Variants in CALHM4 observed in about 807,000 individuals in gnomAD.
The protein encoded by CALHM4 is calcium homeostasis modulator family member 4.
CALHM4 carries 16 observed loss-of-function variants against 13.3 expected under a neutral mutation model. The observed-to-expected ratio is 1.20, with a 90% CI of 0.81 to 1.82. The LOEUF (loss-of-function observed/expected upper bound fraction) is 1.82. Among genes scored for constraint, CALHM4 ranks in the 40% most tolerant of loss-of-function variants. The probability of loss-of-function intolerance (pLI) is 0.00; values close to 1 mark genes in which losing one functional copy is unlikely to be tolerated. For missense variants in CALHM4, 344 were observed against 374.9 expected, an observed-to-expected ratio of 0.92 and a Z score of 0.68; for synonymous variants, 127 against 137.1, an observed-to-expected ratio of 0.93 and a Z score of 0.52.
intron 2 of CALHM4, among the ~76,000 whole-genome samples, chr6:116,547,946 T>C (rs577221079): frequency 6.6e-6 from 1 of 152,306 alleles, no homozygotes; most frequent in South Asian, 2.1e-4. Context: ...TGGGAATACA[T>C]GGGCAGCAGA....
intron 2 of CALHM4, among the ~76,000 whole-genome samples, chr6:116,546,762 C>G (rs1361141696): frequency 1.3e-5 from 2 of 152,118 alleles, no homozygotes; most frequent in African/African-American, 4.8e-5. Flanking sequence ...ATAGGTTATT[C>G]TTGTGGTTGG....
chr6:116,558,184 A>C lies in CALHM4; in HGVS notation c.918A>C (p.Arg306Ser), dbSNP rs948910052. Reference protein sequence around the residue: ...NRVDEDNEEDRSRGIELKP With the variant: ...NRVDEDNEEDSSRGIELKP ...TGGATGAGGATAATGAGGAAGACAG[A>C]TCAAGAGGTATTGAATTAAAACCTT... The change falls in exon 2 of 2, where the codon AGA becomes AGC. Residue 306 changes from arginine (R) to serine (S), a missense_variant. Transcript: ENST00000368596. 6.2e-7 allele frequency: 1 copy of C among 1,613,106 alleles called. No homozygotes were observed. The highest frequency in any genetic ancestry group is 1.3e-5 in the African/African-American group (1 of 74,908).
chr6:116,543,510 A>C lies in CALHM4; in HGVS notation c.-108-255A>C, dbSNP rs536180456. 7.8e-6 allele frequency: 7 copies of C among 899,490 alleles called. No individual in the cohort carries two copies. In the South Asian group the frequency reaches 9.1e-5, roughly 12 times the overall value. 55.7% of individuals were successfully genotyped at this position (899,490 alleles called of 1,614,324 possible). Reference sequence around the variant, plus strand: ...AAGTAGCCTTAGAAGTCACCTGTACATTTTTTCCTTCCTCCTATTATTGCA... The same window carrying C: ...AAGTAGCCTTAGAAGTCACCTGTACCTTTTTTCCTTCCTCCTATTATTGCA... On this transcript the variant is annotated intron_variant, in intron 1 of 2. Coordinates refer to the CALHM4 transcript ENST00000368597.
intron 1 of CALHM4, among the ~76,000 whole-genome samples, chr6:116,554,955 T>C (rs1212479253): frequency 2.6e-5 from 4 of 152,220 alleles, no homozygotes; most frequent in Non-Finnish European, 5.9e-5. Flanking sequence ...AGTGCTATTG[T>C]GCATTTTGTC....
In CALHM4 at chr6:116,560,071, G is replaced by A. The variant is rs1346535835; in HGVS notation, c.*1860G>A. 6.6e-6 allele frequency among the ~76,000 whole-genome samples: 1 copy of A among 152,158 alleles called. No homozygotes were observed. The highest frequency in any genetic ancestry group is 1.5e-5 in the Non-Finnish European group (1 of 68,018). ...GTTGTGGAAGGCAACTAGGGTTCTA[G>A]TTCCACACTGATACAAATGAACTGT... On this transcript the variant is annotated 3_prime_UTR_variant, in exon 2 of 2. Coordinates refer to ENST00000368596, the MANE Select transcript of CALHM4 (RefSeq NM_001366078.2).
chr6:116,547,887 A>G (rs897902340), intron 2 of CALHM4, among the ~76,000 whole-genome samples: 5 of 152,214 alleles, frequency 3.3e-5, no homozygotes, highest in African/African-American at 1.2e-4. Context: ...ACTGCAGTCA[A>G]CCAACCCAAG....
intron 1 of CALHM4, among the ~76,000 whole-genome samples, chr6:116,554,697 T>C (rs1201946017): frequency 1.3e-5 from 2 of 152,184 alleles, no homozygotes; most frequent in East Asian, 1.9e-4. Context: ...TTAAGAACAA[T>C]AGATTTTAGA....
At chr6:116,543,780 G>T (rs1338019058) in exon 2 of CALHM4, 1 of 1,513,016 alleles carries the variant, frequency 6.6e-7, no homozygotes, top group Non-Finnish European at 8.8e-7. Flanking sequence ...AGCAAGAATT[G>T]GATAAGACTT....
chr6:116,548,100 T>C (rs1034227743), intron 2 of CALHM4, among the ~76,000 whole-genome samples: 5 of 152,214 alleles, frequency 3.3e-5, no homozygotes, highest in Non-Finnish European at 7.3e-5. Flanking sequence ...GTGGTAGTTT[T>C]AAGAGTTGGG....
chr6:116,540,218 A>C (rs775047683), intron 1 of CALHM4: 10 of 757,004 alleles, frequency 1.3e-5, no homozygotes, highest in Non-Finnish European at 1.9e-5. Context: ...GTGCTGAAAT[A>C]AAATGCTTTT....
At chr6:116,531,376 G>C (rs777066676) in intron 1 of CALHM4, among the ~76,000 whole-genome samples, 2 of 152,100 alleles carry the variant, frequency 1.3e-5, no homozygotes, top group Non-Finnish European at 2.9e-5. Context: ...GTGAGGTGGA[G>C]AGAAGGAAAA....
chr6:116,540,478 A>G, intron 1 of CALHM4: 1 of 1,549,632 alleles, frequency 6.5e-7, no homozygotes, highest in Middle Eastern at 1.7e-4. Flanking sequence ...GATGACGGAA[A>G]GAGTGTGGTC....
At chr6:116,540,441 C>A in intron 1 of CALHM4, 1 of 1,551,338 alleles carries the variant, frequency 6.4e-7, no homozygotes. Context: ...CTTCCACAAG[C>A]CGCGTTCCAA....
chr6:116,530,521 A>G (rs571918841), intron 1 of CALHM4, among the ~76,000 whole-genome samples: 20 of 152,306 alleles, frequency 1.3e-4, no homozygotes, highest in Admixed American at 7.8e-4. Context: ...TACCTATTGT[A>G]GCACAACATC....
chr6:116,546,273 G>T (rs1053156716), intron 2 of CALHM4, among the ~76,000 whole-genome samples: 8 of 152,152 alleles, frequency 5.3e-5, no homozygotes, highest in African/African-American at 1.4e-4. Flanking sequence ...TCTTTTGAGA[G>T]CTCCTGAGAC....
At chr6:116,538,704 T>C (rs1025335622) in intron 1 of CALHM4, among the ~76,000 whole-genome samples, 1 of 152,048 alleles carries the variant, frequency 6.6e-6, no homozygotes, top group Non-Finnish European at 1.5e-5. Context: ...GCCTTATTAA[T>C]TTGCAAGACA....
upstream of CALHM4, among the ~76,000 whole-genome samples, chr6:116,550,765 C>T (rs12174265): frequency 0.17 from 26,121 of 151,982 alleles, 2,358 homozygotes; most frequent in East Asian, 0.35. Context: ...CGCCTGAAGC[C>T]ACCAAATAAA....
At chr6:116,534,896 A>C (rs1772980522) in intron 1 of CALHM4, among the ~76,000 whole-genome samples, 1 of 152,162 alleles carries the variant, frequency 6.6e-6, no homozygotes, top group Admixed American at 6.5e-5. Context: ...AAGTCTTTTT[A>C]TGCTGTATTT....
intron 1 of CALHM4, among the ~76,000 whole-genome samples, chr6:116,535,133 A>C (rs186446147): frequency 6.8e-4 from 104 of 152,348 alleles, no homozygotes; most frequent in African/African-American, 2.5e-3. Context: ...AGCTACATTC[A>C]CCACACTCAG....
Sources: gnomAD v4.1 joint callset for allele counts (sites outside exome capture counted in the v4.1 genomes callset) on GRCh38, gnomAD v4.1.1 for gene constraint, MANE v1.5 for transcripts, NCBI Gene and HGNC (gene_info 2026-07-23, HGNC 2026-07-21) for gene names.